MED23: variants seen among roughly 807,000 people sequenced by gnomAD.
MED23 encodes the protein mediator of RNA polymerase II transcription subunit 23.
A neutral mutation model predicts 163.9 loss-of-function variants in MED23; 105 were observed. The observed-to-expected ratio is 0.64, with a 90% confidence interval of 0.55 to 0.75. MED23 has a LOEUF of 0.75. MED23 is among the 30% of genes least tolerant of loss of function. The pLI is 0.00. For missense variants in MED23, 1,054 were observed against 1,649.0 expected (o/e 0.64, Z 6.25); for synonymous variants, 561 against 565.6 (o/e 0.99, Z 0.12).
chr6:131,592,719 C>A, intron 24 of MED23: 1 of 598,684 alleles, frequency 1.7e-6, no homozygotes. Context: ...ATCTTGAAAA[C>A]AAGATGAAGA....
chr6:131,579,367 A>G, intron 30 of MED23: 4 of 1,502,072 alleles, frequency 2.7e-6, no homozygotes, highest in Non-Finnish European at 3.6e-6. Context: ...ATTTAGAAAT[A>G]TAGACAGAAA....
chr6:131,622,881 C>G (rs1487402895), intron 5 of MED23, among the ~76,000 whole-genome samples: 2 of 152,186 alleles, frequency 1.3e-5, no homozygotes, highest in Non-Finnish European at 2.9e-5. Flanking sequence ...AGTCCCTAAG[C>G]CGTTTTATGA....
intron 22 of MED23, among the ~76,000 whole-genome samples, chr6:131,595,559 T>C (rs1774983619): frequency 6.6e-6 from 1 of 152,210 alleles, no homozygotes; most frequent in Non-Finnish European, 1.5e-5. Flanking sequence ...GAATTTTCAA[T>C]TCAACCCAAT....
At chr6:131,612,902 A>G (rs181913897) in intron 10 of MED23, among the ~76,000 whole-genome samples, 1 of 152,194 alleles carries the variant, frequency 6.6e-6, no homozygotes, top group Admixed American at 6.5e-5. Flanking sequence ...CTTTTCATGT[A>G]CAGTTCTCAT....
At chr6:131,576,144 G>C (rs1454011366) in intron 30 of MED23, among the ~76,000 whole-genome samples, 9 of 152,138 alleles carry the variant, frequency 5.9e-5, no homozygotes, top group Non-Finnish European at 8.8e-5. Context: ...GACACACCCT[G>C]TCCCCAACAG....
intron 9 of MED23, 76 bp from the exon 10 acceptor site, chr6:131,616,078 A>G: frequency 1.6e-6 from 2 of 1,217,756 alleles, no homozygotes; most frequent in Non-Finnish European, 2.4e-6. Flanking sequence ...ATGAGATTAA[A>G]AAATCCTCTA....
At chr6:131,609,646 T>C (rs1427350393) in intron 11 of MED23, among the ~76,000 whole-genome samples, 1 of 148,610 alleles carries the variant, frequency 6.7e-6, no homozygotes, top group African/African-American at 2.5e-5. Context: ...GCTTTCATTA[T>C]AACAACTATT....
At chr6:131,600,231 C>A (rs962526210) in intron 17 of MED23, 69 bp from the exon 18 acceptor site, 44 of 1,418,006 alleles carry the variant, frequency 3.1e-5, no homozygotes, top group South Asian at 1.1e-4. Context: ...AAGATTATAG[C>A]GAAAATAATA....
intron 24 of MED23, 144 bp from the exon 25 acceptor site, chr6:131,592,604 T>C (rs1401147163): frequency 1.4e-6 from 1 of 736,276 alleles, no homozygotes; most frequent in Non-Finnish European, 2.3e-6. Context: ...AATTTTTTAT[T>C]GAATAAAAAT....
downstream of MED23, among the ~76,000 whole-genome samples, chr6:131,586,547 T>C (rs1156809256): frequency 6.6e-6 from 1 of 152,254 alleles, no homozygotes; most frequent in Non-Finnish European, 1.5e-5. Context: ...GGAATGTATT[T>C]AGAAATATGA....
In MED23 at chr6:131,596,513, A is replaced by C; in HGVS notation, c.2778+5T>G. 1 of 1,614,092 alleles carries C rather than the reference A, an allele frequency of 6.2e-7. No individual in the cohort carries two copies. Among genetic ancestry groups the C allele is most frequent in the Non-Finnish European group, 8.5e-7 (1 of 1,179,932 alleles). On this transcript the variant is annotated splice_donor_5th_base_variant and intron_variant, in intron 21 of 28. Transcript: ENST00000368068. Reference sequence around the variant, plus strand: ...ACTATTTGAAATACCAATTAGGACTAGTACCTTGTGATAATTCATGTGCTT... The same window carrying C: ...ACTATTTGAAATACCAATTAGGACTCGTACCTTGTGATAATTCATGTGCTT...
intron 30 of MED23, among the ~76,000 whole-genome samples, chr6:131,575,825 G>A (rs1001645468): frequency 1.3e-5 from 2 of 152,124 alleles, no homozygotes; most frequent in South Asian, 2.1e-4. Flanking sequence ...ATGTCAAAAC[G>A]GCAAGGGTAG....
Position 131,628,169 on chromosome 6 carries a change from G to A in MED23, c.-120C>T, listed in dbSNP as rs774894016. The A allele has an allele frequency of 6.0e-6, 7 of 1,168,080 alleles. No homozygotes were observed. The highest frequency in any genetic ancestry group is 8.9e-6 in the Non-Finnish European group (7 of 788,598). The allele number at this position is 1,168,080 out of a possible 1,614,324, so 72.4% of individuals were successfully genotyped here. ...GAGGAAACCGTAGCTCCTCGGCGTC[G>A]CTTCCTCCCCCAGCGCTTTACCTGG... On this transcript the variant is annotated 5_prime_UTR_variant, in exon 1 of 29. Coordinates refer to ENST00000368068, the MANE Select transcript of MED23 (RefSeq NM_004830.4).
intron 30 of MED23, chr6:131,576,849 T>G: frequency 2.0e-5 from 19 of 933,378 alleles, no homozygotes; most frequent in Non-Finnish European, 3.1e-5. Context: ...ATTGCGGTAC[T>G]GGTTACAACC....
Position 131,598,319 on chromosome 6 carries a change from T to C in MED23, c.2575A>G (p.Ile859Val). The change falls in exon 20 of 29, where the codon ATT becomes GTT. Residue 859 changes from isoleucine to valine, a missense_variant. By Grantham distance (29) the Ile-to-Val change is conservative (BLOSUM62 3). Coordinates refer to ENST00000368068, the MANE Select transcript of MED23 (RefSeq NM_004830.4). The surrounding 1 kb of genome is among the most constrained non-coding windows in gnomAD (Gnocchi z 4.7). ...AGAATTAATCTGTCCAGTGTAACAA[T>C]GTTATACTTCCATACCATGTCATTA... ...ILNDMVWKYN[I>V]VTLDRLILCL... is the part of the protein sequence containing the mutation. 1 of 1,614,066 alleles carries C rather than the reference T, an allele frequency of 6.2e-7. No individual in the cohort carries two copies. The highest frequency in any genetic ancestry group is 1.7e-5 in the Admixed American group (1 of 60,024).
intron 17 of MED23, among the ~76,000 whole-genome samples, chr6:131,600,675 T>G (rs935833906): frequency 5.3e-5 from 8 of 152,216 alleles, no homozygotes; most frequent in Non-Finnish European, 1.2e-4. Context: ...TCAAGTGTGG[T>G]CTGTAGACCT....
chr6:131,595,495 C>A (rs1034320107), intron 22 of MED23, among the ~76,000 whole-genome samples: 2 of 152,190 alleles, frequency 1.3e-5, no homozygotes, highest in African/African-American at 4.8e-5. Flanking sequence ...TCAAGGTGAT[C>A]TACAGTTAGG....
At position 131,594,332 on chromosome 6, in the gene MED23, C is replaced by T. The variant is rs1161103209; in HGVS notation, c.2999G>A (p.Arg1000His). 4 of 1,610,376 alleles carry T rather than the reference C, an allele frequency of 2.5e-6. No homozygotes were observed. The highest frequency in any genetic ancestry group is 1.1e-5 in the South Asian group (1 of 91,002). ...HLGGLYKFHD[R>H]PVTYLYNTLH... The stretch of plus-strand genomic sequence containing the variant: ...AGTGTTATACAGATAAGTCACTGGA[C>T]GATCTGCCAAGAAAAAAACATACCA... Residue 1000 changes from arginine (R) to histidine (H), a missense_variant, in exon 23 of 29, where the codon CGT becomes CAT. Around this residue, in one of 11 missense-constraint regions of MED23, gnomAD observed 362 missense variants for 471.6 expected, o/e 0.77. Coordinates refer to ENST00000368068, the MANE Select transcript of MED23 (RefSeq NM_004830.4).
intron 30 of MED23, among the ~76,000 whole-genome samples, chr6:131,576,054 C>T (rs1282307717): frequency 6.6e-6 from 1 of 152,230 alleles, no homozygotes; most frequent in Non-Finnish European, 1.5e-5. Context: ...GTTTCTCCAT[C>T]ACTCTGTCTT....
Sources: gnomAD v4.1 joint callset for allele counts (sites outside exome capture counted in the v4.1 genomes callset) on GRCh38, gnomAD v4.1.1 for gene constraint, gnomAD v4.1.1 regional missense constraint, Gnocchi (gnomAD v3.1) non-coding constraint, MANE v1.5 for transcripts, NCBI Gene and HGNC (gene_info 2026-07-23, HGNC 2026-07-21) for gene names.